Variants in IGBP1C observed in about 807,000 individuals in gnomAD.
IGBP1C encodes immunoglobulin-binding protein 1 family member C.
chr17:58,691,178 T>C, the IGBP1C span, among the ~76,000 whole-genome samples: 2 of 152,098 alleles, frequency 1.3e-5, no homozygotes, highest in African/African-American at 4.8e-5. Context: ...TTTATCAGAA[T>C]TGATATTAAA....
At chr17:58,661,481 A>G in the IGBP1C span, 1 of 781,480 alleles carries the variant, frequency 1.3e-6, no homozygotes, top group South Asian at 1.3e-5. Flanking sequence ...CTTTTCCTGG[A>G]CTATTCGGGA....
the IGBP1C span, chr17:58,691,975 G>A: frequency 2.0e-5 from 3 of 153,032 alleles, no homozygotes; most frequent in African/African-American, 7.2e-5. Context: ...AGGCCATGAA[G>A]AAATAACGGT....
At chr17:58,677,850 A>G in the IGBP1C span, 1 of 152,252 alleles carries the variant, frequency 6.6e-6, no homozygotes, top group Admixed American at 6.5e-5. Flanking sequence ...AGACTTTTCC[A>G]AAGTTTAAGA....
At chr17:58,667,721 C>T in the IGBP1C span, among the ~76,000 whole-genome samples, 10 of 151,952 alleles carry the variant, frequency 6.6e-5, no homozygotes, top group African/African-American at 1.2e-4. Context: ...CCTGTCTCTA[C>T]TAAAAATACA....
chr17:58,687,208 C>T, the IGBP1C span, among the ~76,000 whole-genome samples: 15 of 152,194 alleles, frequency 9.9e-5, no homozygotes, highest in East Asian at 2.5e-3. Context: ...TTATCCACTG[C>T]GACATCTAGA....
chr17:58,661,375 G>C, the IGBP1C span: 1 of 927,342 alleles, frequency 1.1e-6, no homozygotes, highest in Admixed American at 1.7e-5. Flanking sequence ...TCAGGTCGGT[G>C]GAAGTAATCT....
the IGBP1C span, among the ~76,000 whole-genome samples, chr17:58,682,721 A>G: frequency 7.9e-5 from 12 of 152,302 alleles, no homozygotes; most frequent in South Asian, 2.5e-3. Context: ...CACAAGTCCC[A>G]GTTTCAATGT....
the IGBP1C span, among the ~76,000 whole-genome samples, chr17:58,671,846 C>T: frequency 6.6e-6 from 1 of 152,162 alleles, no homozygotes; most frequent in Non-Finnish European, 1.5e-5. Context: ...TCCCTCAATT[C>T]ATCTAATCCT....
At chr17:58,663,148 C>T in the IGBP1C span, among the ~76,000 whole-genome samples, 1 of 150,556 alleles carries the variant, frequency 6.6e-6, no homozygotes, top group African/African-American at 2.4e-5. Flanking sequence ...GTTGGCCAGG[C>T]ATGGTGGCTC....
chr17:58,660,701 T>A, the IGBP1C span: 7 of 781,890 alleles, frequency 9.0e-6, no homozygotes, highest in Admixed American at 1.2e-4. Flanking sequence ...TTCCTGTTGC[T>A]GAGTGGCTTT....
At chr17:58,668,304 A>T in the IGBP1C span, among the ~76,000 whole-genome samples, 1 of 152,136 alleles carries the variant, frequency 6.6e-6, no homozygotes, top group Non-Finnish European at 1.5e-5. Flanking sequence ...CGGTCTCTAT[A>T]CCTATCCTGA....
At chr17:58,674,169 G>A in the IGBP1C span, among the ~76,000 whole-genome samples, 3 of 151,920 alleles carry the variant, frequency 2.0e-5, no homozygotes, top group East Asian at 3.9e-4. Context: ...CCAGCTACTC[G>A]GGAGGCTAAG....
chr17:58,685,124 A>T, the IGBP1C span, among the ~76,000 whole-genome samples: 1 of 152,342 alleles, frequency 6.6e-6, no homozygotes, highest in South Asian at 2.1e-4. Flanking sequence ...ATGTTACCAA[A>T]GTCAGAATAC....
At chr17:58,687,728 TGTCTCCAGAA>T in the IGBP1C span, among the ~76,000 whole-genome samples, 1 of 152,170 alleles carries the variant, frequency 6.6e-6, no homozygotes, top group Non-Finnish European at 1.5e-5. Flanking sequence ...TCCTCTCCTA[TGTCTCCAGAA>T]ACAGCCTAGT....
chr17:58,666,701 G>A, the IGBP1C span: 10 of 152,132 alleles, frequency 6.6e-5, no homozygotes, highest in Non-Finnish European at 1.3e-4. Context: ...TAATTATGAG[G>A]TACTTGCGTG....
At chr17:58,683,915 A>G in the IGBP1C span, among the ~76,000 whole-genome samples, 1 of 150,256 alleles carries the variant, frequency 6.7e-6, no homozygotes, top group East Asian at 2.0e-4. Context: ...AAATACAAAA[A>G]TTAGCTGGGC....
the IGBP1C span, among the ~76,000 whole-genome samples, chr17:58,689,945 G>T: frequency 1.3e-5 from 2 of 151,138 alleles, no homozygotes; most frequent in African/African-American, 4.9e-5. Context: ...CGCCTCCTGG[G>T]TTCATGCAAT....
the IGBP1C span, among the ~76,000 whole-genome samples, chr17:58,667,746 A>G: frequency 6.6e-6 from 1 of 152,166 alleles, no homozygotes; most frequent in South Asian, 2.1e-4. Flanking sequence ...TTAGCCGGGC[A>G]TGGTGGCAAG....
At chr17:58,679,565 A>G in the IGBP1C span, 1 of 152,248 alleles carries the variant, frequency 6.6e-6, no homozygotes, top group Non-Finnish European at 1.5e-5. Context: ...ACCACAAATT[A>G]TGCAATTAAG....
Sources: gnomAD v4.1 joint callset for allele counts (sites outside exome capture counted in the v4.1 genomes callset) on GRCh38, gnomAD v4.1.1 for gene constraint, MANE v1.5 for transcripts, NCBI Gene and HGNC (gene_info 2026-07-23, HGNC 2026-07-21) for gene names.